Variants in GRIA1 observed in about 807,000 individuals in gnomAD.
GRIA1 encodes glutamate ionotropic receptor AMPA type subunit 1.
A neutral mutation model predicts 99.2 loss-of-function variants in GRIA1; 31 were observed. That is an observed-to-expected ratio of 0.31 (90% CI 0.23 to 0.42). The LOEUF (loss-of-function observed/expected upper bound fraction) is 0.42. Ranked by LOEUF, GRIA1 falls within the 10% of genes least tolerant of loss-of-function variation. The pLI, the probability that GRIA1 is intolerant of heterozygous loss-of-function variation, is 1.00. For missense variants in GRIA1, 782 were observed against 1,157.5 expected, an observed-to-expected ratio of 0.68 and a Z score of 4.71; for synonymous variants, 438 against 432.4, an observed-to-expected ratio of 1.01 and a Z score of -0.16.
chr5:153,608,538 A>G (rs1765655198), intron 2 of GRIA1, among the ~76,000 whole-genome samples: 3 of 152,016 alleles, frequency 2.0e-5, no homozygotes, highest in East Asian at 1.9e-4. Flanking sequence ...GTTCCTGTCT[A>G]TTGAATTTTA....
intron 13 of GRIA1, among the ~76,000 whole-genome samples, chr5:153,786,988 C>T (rs764435323): frequency 2.0e-5 from 3 of 152,194 alleles, no homozygotes; most frequent in Admixed American, 6.5e-5. Context: ...ACTCCTCAGA[C>T]GCTGAAACTC....
intron 11 of GRIA1, among the ~76,000 whole-genome samples, chr5:153,712,316 C>T (rs1759369729): frequency 6.6e-6 from 1 of 152,226 alleles, no homozygotes; most frequent in Middle Eastern, 3.2e-3. Flanking sequence ...TCCCAAAGTG[C>T]TGGGATTACA....
intron 5 of GRIA1, among the ~76,000 whole-genome samples, chr5:153,656,534 AT>A (rs1392537482): frequency 6.6e-6 from 1 of 151,552 alleles, no homozygotes; most frequent in Admixed American, 6.6e-5. Context: ...ACATACTATT[AT>A]GAGTTTTCTT....
intron 5 of GRIA1, among the ~76,000 whole-genome samples, chr5:153,658,998 A>AAAC (rs71920895): frequency 0.14 from 11,055 of 80,096 alleles, 530 homozygotes; most frequent in Non-Finnish European, 0.21. Context: ...ACAAACAAAC[A>AAAC]AAAAAAAAAC....
Position 153,763,294 on chromosome 5 carries a change from G to A in GRIA1, c.1824-1140G>A, listed in dbSNP as rs115148022. ...ACAACAGAGCAGCCAACAGGCCCGC[G>A]TACTGCTGTCCCGAGGCACAGTAGA... On this transcript the variant is annotated intron_variant, in intron 11 of 15. Coordinates refer to ENST00000285900, the MANE Select transcript of GRIA1 (RefSeq NM_000827.4). Among the ~76,000 whole-genome samples the A allele has an allele frequency of 6.0e-3, 918 of 152,270 alleles. 10 individuals carry two copies. Among genetic ancestry groups the A allele is most frequent in the African/African-American group, 0.021 (876 of 41,550 alleles).
chr5:153,621,093 A>G (rs938830081), intron 2 of GRIA1, among the ~76,000 whole-genome samples: 1 of 152,230 alleles, frequency 6.6e-6, no homozygotes, highest in African/African-American at 2.4e-5. Flanking sequence ...CCATGTATTA[A>G]TACATGCAAC....
intron 13 of GRIA1, among the ~76,000 whole-genome samples, chr5:153,772,832 T>C (rs1367249218): frequency 6.6e-6 from 1 of 152,146 alleles, no homozygotes; most frequent in Non-Finnish European, 1.5e-5. Flanking sequence ...CAGTGATACC[T>C]CAATATTACA....
intron 11 of GRIA1, among the ~76,000 whole-genome samples, chr5:153,708,119 T>C (rs1759047999): frequency 6.6e-6 from 1 of 152,220 alleles, no homozygotes; most frequent in African/African-American, 2.4e-5. Context: ...GTGTGTTTTC[T>C]TTCTCCCCAC....
Position 153,526,553 on chromosome 5 carries a change from C to A in GRIA1, c.220+32488C>A, listed in dbSNP as rs1036041947. On this transcript the variant is annotated intron_variant, in intron 2 of 15. Coordinates refer to ENST00000285900, the MANE Select transcript of GRIA1 (RefSeq NM_000827.4). ...AAATGTCTTTAAATATTTTTCTGAT[C>A]TTTGAAACTGAATCCAAAGGAACTC... Among the ~76,000 whole-genome samples the A allele has an allele frequency of 2.0e-5, 3 of 152,172 alleles. No homozygotes were observed. The East Asian group carries it at 5.8e-4, about 29-fold the overall frequency.
chr5:153,635,293 G>T (rs1753268181), intron 2 of GRIA1, among the ~76,000 whole-genome samples: 2 of 152,174 alleles, frequency 1.3e-5, no homozygotes, highest in African/African-American at 4.8e-5. Context: ...TTGCGGTAGT[G>T]GTTCATTCGT....
chr5:153,516,996 A>G (rs747424939), intron 2 of GRIA1, among the ~76,000 whole-genome samples: 8 of 152,204 alleles, frequency 5.3e-5, no homozygotes, highest in Non-Finnish European at 1.0e-4. Flanking sequence ...AAGATGAGTG[A>G]CAAATGACGA....
chr5:153,609,699 G>A (rs1243338623), intron 2 of GRIA1, among the ~76,000 whole-genome samples: 1 of 151,452 alleles, frequency 6.6e-6, no homozygotes, highest in South Asian at 2.1e-4. Context: ...GAGTAGCTGG[G>A]ATTACATGGC....
chr5:153,502,566 A>G (rs1054173252), intron 2 of GRIA1, among the ~76,000 whole-genome samples: 1 of 152,174 alleles, frequency 6.6e-6, no homozygotes, highest in Non-Finnish European at 1.5e-5. Context: ...TTCTAAATAA[A>G]GAATTTCTGA....
intron 2 of GRIA1, among the ~76,000 whole-genome samples, chr5:153,530,198 A>C (rs1208350686): frequency 1.3e-5 from 2 of 152,234 alleles, no homozygotes; most frequent in East Asian, 1.9e-4. Flanking sequence ...AGCCACAGAA[A>C]GGTTAAATAG....
intron 2 of GRIA1, among the ~76,000 whole-genome samples, chr5:153,593,005 C>T (rs571994478): frequency 1.2e-4 from 18 of 152,316 alleles, no homozygotes; most frequent in South Asian, 4.1e-4. Flanking sequence ...GTGGCTCACA[C>T]CTGTGATCCC....
rs148724509 is a variant in GRIA1 at position 153,764,563 on chromosome 5, G to A, written c.1953G>A (p.Glu651=). The A allele has an allele frequency of 3.1e-6, 5 of 1,613,972 alleles. No individual in the cohort carries two copies. In the African/African-American group the frequency reaches 5.3e-5, roughly 17 times the overall value. The stretch of plus-strand genomic sequence containing the variant: ...TGGTGTCTCCCATTGAGAGTGCAGA[G>A]GACCTAGCGAAGCAGACAGAAATTG... ...ERMVSPIESA[E]DLAKQTEIAY... Residue 651 remains glutamate (E), a synonymous_variant, in exon 12 of 16, where the codon GAG becomes GAA. Transcript: ENST00000285900.
intron 2 of GRIA1, among the ~76,000 whole-genome samples, chr5:153,519,648 G>A (rs1354814241): frequency 6.6e-6 from 1 of 151,946 alleles, no homozygotes; most frequent in Non-Finnish European, 1.5e-5. Context: ...TGACCTGAAG[G>A]GCATGGAGTC....
At chr5:153,508,063 C>T (rs1755711118) in intron 2 of GRIA1, among the ~76,000 whole-genome samples, 1 of 152,168 alleles carries the variant, frequency 6.6e-6, no homozygotes, top group Non-Finnish European at 1.5e-5. Context: ...TCCTGGGAAA[C>T]AAATACATAT....
intron 2 of GRIA1, among the ~76,000 whole-genome samples, chr5:153,565,591 G>C (rs990952718): frequency 6.6e-6 from 1 of 152,128 alleles, no homozygotes; most frequent in African/African-American, 2.4e-5. Flanking sequence ...CCCATTAGCT[G>C]TCATTCCCCA....
Sources: allele counts gnomAD v4.1 joint callset (sites outside exome capture counted in the v4.1 genomes callset), GRCh38; gene constraint gnomAD v4.1.1; transcripts MANE v1.5; gene names NCBI Gene and HGNC (gene_info 2026-07-23, HGNC 2026-07-21).